TRAPPC1: variants seen among roughly 807,000 people sequenced by gnomAD.
TRAPPC1 encodes the protein BET5 homolog.
TRAPPC1 carries 10 observed loss-of-function variants against 17.2 expected under a neutral mutation model. The observed-to-expected ratio is 0.58, with a 90% CI of 0.36 to 0.99. The LOEUF (loss-of-function observed/expected upper bound fraction) is 0.99. Ranked by LOEUF, TRAPPC1 falls within the 50% of genes least tolerant of loss-of-function variation. The probability of loss-of-function intolerance (pLI) is 0.01; values close to 1 mark genes in which losing one functional copy is unlikely to be tolerated. For synonymous variants in TRAPPC1, 85 were observed against 74.5 expected (o/e 1.14, Z -0.72); for missense variants, 163 against 184.4 (o/e 0.88, Z 0.67).
rs1220277669 is a variant in TRAPPC1 at position 7,930,530 on chromosome 17, G to A, written c.*76C>T. ...GGGTGGGGGTGCGGGGGCTTACAGT[G>A]GGGGCCCTTAGTTGGCACAGGTTCG... is the stretch of plus-strand genomic sequence containing the variant. On this transcript the variant is annotated 3_prime_UTR_variant, in exon 4 of 4. Coordinates refer to ENST00000303731, the MANE Select transcript of TRAPPC1 (RefSeq NM_021210.5). 1 of 1,594,220 alleles carries A rather than the reference G, an allele frequency of 6.3e-7. No homozygotes were observed. The highest frequency in any genetic ancestry group is 8.6e-7 in the Non-Finnish European group (1 of 1,166,178).
chr17:7,931,035 A>T lies in TRAPPC1; in HGVS notation c.285T>A (p.Asp95Glu). The change falls in exon 3 of 4, where the codon GAT becomes GAA. Residue 95 changes from aspartate (D) to glutamate (E), a missense_variant. Asp to Glu is a conservative substitution (Grantham distance 45). Transcript: ENST00000303731. ...CCGCACTGTAGATGTGGTGCAGCAC[A>T]TCTCGGATGGGTCCCACGCCCAAGT... ...NTDLGVGPIRDVLHHIYSALY... is the reference protein window; with the variant it reads ...NTDLGVGPIREVLHHIYSALY... 6.2e-7 allele frequency: 1 copy of T among 1,613,836 alleles called. No homozygotes were observed. Among genetic ancestry groups the T allele is most frequent in the Non-Finnish European group, 8.5e-7 (1 of 1,179,942 alleles).
At chr17:7,931,201 A>G in intron 2 of TRAPPC1, 52 bp from the exon 3 acceptor site, 1 of 1,598,144 alleles carries the variant, frequency 6.3e-7, no homozygotes, top group South Asian at 1.1e-5. Flanking sequence ...TCTCCCAAAG[A>G]GACACTTCTG....
At chr17:7,931,294 C>T in intron 2 of TRAPPC1, 145 bp from the exon 3 acceptor site, 1 of 1,185,926 alleles carries the variant, frequency 8.4e-7, no homozygotes, top group Admixed American at 2.3e-5. Context: ...CCCATCGTCA[C>T]CCCTCAATTT....
chr17:7,931,408 C>A (rs921905105), intron 2 of TRAPPC1, 98 bp downstream of exon 2: 5 of 1,301,076 alleles, frequency 3.8e-6, no homozygotes, highest in African/African-American at 2.9e-5. Context: ...CCTTTCCCCC[C>A]TCTGGAGGCC....
Position 7,930,669 on chromosome 17 carries a change from G to A in TRAPPC1, c.375C>T (p.Leu125=). 6.2e-7 allele frequency: 1 copy of A among 1,614,198 alleles called. No individual in the cohort carries two copies. Among genetic ancestry groups the A allele is most frequent in the South Asian group, 1.1e-5 (1 of 91,082 alleles). ...CATAGGAGTCCAGTCGGGAGCGAAAGAGCTCACTTTGCACAGTTTGGCCCA... is the reference window on the plus strand; with the variant it reads ...CATAGGAGTCCAGTCGGGAGCGAAAAAGCTCACTTTGCACAGTTTGGCCCA... ...CPLGQTVQSE[L]FRSRLDSYVR... is the part of the protein sequence containing the mutation. Residue 125 remains leucine (L), a synonymous_variant, in exon 4 of 4, where the codon CTC becomes CTT. Coordinates refer to ENST00000303731, the MANE Select transcript of TRAPPC1 (RefSeq NM_021210.5).
intron 2 of TRAPPC1, 84 bp downstream of exon 2, chr17:7,931,422 G>T: frequency 1.4e-6 from 2 of 1,405,572 alleles, no homozygotes; most frequent in Non-Finnish European, 2.0e-6. Flanking sequence ...GGAGGCCAAT[G>T]CTCCTTCCAC....
Position 7,930,364 on chromosome 17 carries a change from T to A in TRAPPC1, c.*242A>T. On this transcript the variant is annotated 3_prime_UTR_variant, in exon 4 of 4. Coordinates refer to ENST00000303731, the MANE Select transcript of TRAPPC1 (RefSeq NM_021210.5). ...TCAGGCCGCAGAGAGTGACAAAAAG[T>A]TTATTCTGTGCTTCTCGCAGCATTA... The A allele has an allele frequency of 1.9e-6, 1 of 514,822 alleles. No individual in the cohort carries two copies. Among genetic ancestry groups the A allele is most frequent in the Non-Finnish European group, 3.5e-6 (1 of 284,944 alleles). 31.9% of individuals were successfully genotyped at this position (514,822 alleles called of 1,614,324 possible).
In TRAPPC1 at chr17:7,931,814, G is replaced by C; in HGVS notation, c.16C>G (p.Leu6Val). 4 of 1,614,130 alleles carry C rather than the reference G, an allele frequency of 2.5e-6. No homozygotes were observed. Among genetic ancestry groups the C allele is most frequent in the Non-Finnish European group, 3.4e-6 (4 of 1,179,960 alleles). ...ACTCCATTCCGGTCAAACAGGTACA[G>C]GTTGTGGACAGTCATCTGCAGGGCA... MTVHN[L>V]YLFDRNGVCL... Residue 6 changes from leucine (L) to valine (V), a missense_variant, in exon 1 of 4, where the codon CTG (leucine) becomes GTG (valine). Transcript: ENST00000303731.
Position 7,931,021 on chromosome 17 carries a change from A to G in TRAPPC1, c.299T>C (p.Ile100Thr). Residue 100 changes from isoleucine to threonine, a missense_variant, in exon 3 of 4, where the codon ATC becomes ACC. Ile to Thr is a moderately conservative substitution (Grantham distance 89). Transcript: ENST00000303731. Reference sequence around the variant, plus strand: ...GGGGCTGGCACTGACCGCACTGTAGATGTGGTGCAGCACATCTCGGATGGG... The same window carrying G: ...GGGGCTGGCACTGACCGCACTGTAGGTGTGGTGCAGCACATCTCGGATGGG... ...VGPIRDVLHHIYSALYVELVV... is the reference protein window; with the variant it reads ...VGPIRDVLHHTYSALYVELVV... 4 of 1,613,750 alleles carry G rather than the reference A, an allele frequency of 2.5e-6. No homozygotes were observed. Among genetic ancestry groups the G allele is most frequent in the Non-Finnish European group, 3.4e-6 (4 of 1,179,934 alleles).
In TRAPPC1 at chr17:7,931,119, G is replaced by C; in HGVS notation, c.201C>G (p.Ser67Arg). 6.2e-7 allele frequency: 1 copy of C among 1,614,032 alleles called. No homozygotes were observed. The highest frequency in any genetic ancestry group is 8.5e-7 in the Non-Finnish European group (1 of 1,179,996). The change falls in exon 3 of 4, where the codon AGC (serine) becomes AGG (arginine). Residue 67 changes from serine (S) to arginine (R), a missense_variant. Ser to Arg is a moderately radical substitution (Grantham distance 110). Coordinates refer to ENST00000303731, the MANE Select transcript of TRAPPC1 (RefSeq NM_021210.5). Reference protein sequence around the residue: ...MKDGFLAFQTSRYKLHYYETP... With the variant: ...MKDGFLAFQTRRYKLHYYETP... ...TCTCGTAGTAATGGAGTTTGTAACG[G>C]CTAGTTTGGAAGGCCAGGAAGCCAT...
chr17:7,930,822 G>A lies in TRAPPC1; in HGVS notation c.310-88C>T. The A allele has an allele frequency of 2.6e-6, 4 of 1,549,072 alleles. No individual in the cohort carries two copies. The South Asian group carries it at 3.7e-5, about 14-fold the overall frequency. On this transcript the variant is annotated intron_variant, in intron 3 of 3. Coordinates refer to ENST00000303731, the MANE Select transcript of TRAPPC1 (RefSeq NM_021210.5). ...TGTATAACCTCAGGGGTGTGTGAAT[G>A]CACAAGGAATAAGGGCTGGAAGGCA...
intron 2 of TRAPPC1, 131 bp downstream of exon 2, chr17:7,931,375 C>T (rs12949042): frequency 0.056 from 61,322 of 1,096,598 alleles, 1,959 homozygotes; most frequent in Non-Finnish European, 0.065. Context: ...ACTCTCGCTC[C>T]GGACTCAGCC....
At chr17:7,931,408 C>T in intron 2 of TRAPPC1, 98 bp downstream of exon 2, 2 of 1,301,194 alleles carry the variant, frequency 1.5e-6, no homozygotes, top group Admixed American at 3.8e-5. Flanking sequence ...CCTTTCCCCC[C>T]TCTGGAGGCC....
rs1972394508 is a variant in TRAPPC1, at chr17:7,930,357, CAA to C, written c.*247_*248del. 2.0e-6 allele frequency: 1 copy of C among 501,880 alleles called. No homozygotes were observed. Among genetic ancestry groups the C allele is most frequent in the East Asian group, 3.8e-5 (1 of 26,504 alleles). The allele number at this position is 501,880 out of a possible 1,614,324, so 31.1% of individuals were successfully genotyped here. ...AACACGCTCAGGCCGCAGAGAGTGA[CAA>C]AAAGTTTATTCTGTGCTTCTCGCAG... On this transcript the variant is annotated 3_prime_UTR_variant, in exon 4 of 4. Coordinates refer to ENST00000303731, the MANE Select transcript of TRAPPC1 (RefSeq NM_021210.5).
Position 7,931,491 on chromosome 17 carries a change from T to G in TRAPPC1, c.170+15A>C. 6.2e-7 allele frequency: 1 copy of G among 1,613,048 alleles called. No individual in the cohort carries two copies. The highest frequency in any genetic ancestry group is 8.5e-7 in the Non-Finnish European group (1 of 1,179,140). On this transcript the variant is annotated intron_variant, in intron 2 of 3. Coordinates refer to ENST00000303731, the MANE Select transcript of TRAPPC1 (RefSeq NM_021210.5). ...GGCTAGCCCTCCTCCCAACATCTTC[T>G]CTGACTCCGCGTACATGTCTAGCGG...
chr17:7,931,203 A>C, intron 2 of TRAPPC1, 54 bp from the exon 3 acceptor site: 1 of 1,595,946 alleles, frequency 6.3e-7, no homozygotes, highest in Non-Finnish European at 8.5e-7. Flanking sequence ...TCCCAAAGAG[A>C]CACTTCTGAT....
At position 7,930,408 on chromosome 17, in the gene TRAPPC1, A is replaced by T. The variant is rs1972398444; in HGVS notation, c.*198T>A. ...AGCATTAGGCAGGGGATAAAACTGG[A>T]GAGAGGGCCTGGTGTGGAGGTGGAG... On this transcript the variant is annotated 3_prime_UTR_variant, in exon 4 of 4. Coordinates refer to ENST00000303731, the MANE Select transcript of TRAPPC1 (RefSeq NM_021210.5). 1.6e-6 allele frequency: 1 copy of T among 619,452 alleles called. No individual in the cohort carries two copies. The highest frequency in any genetic ancestry group is 1.9e-5 in the African/African-American group (1 of 53,984). The allele number at this position is 619,452 out of a possible 1,614,324, so 38.4% of individuals were successfully genotyped here.
Position 7,931,522 on chromosome 17 carries a change from T to C in TRAPPC1, c.154A>G (p.Met52Val). The change falls in exon 2 of 4, where the codon ATG becomes GTG. Residue 52 changes from methionine (M) to valine (V), a missense_variant. By Grantham distance (21) the Met-to-Val change is conservative. Transcript: ENST00000303731. ...LFSIRSFVSK[M>V]SPLDMKDGFL... Reference sequence around the variant, plus strand: ...TCCGCGTACATGTCTAGCGGGGACATCTTGCTGACAAACGAGCGGATAGAG... The same window carrying C: ...TCCGCGTACATGTCTAGCGGGGACACCTTGCTGACAAACGAGCGGATAGAG... The C allele has an allele frequency of 1.2e-6, 2 of 1,613,450 alleles. No homozygotes were observed. Among genetic ancestry groups the C allele is most frequent in the Non-Finnish European group, 1.7e-6 (2 of 1,179,528 alleles).
At chr17:7,931,633 T>A in intron 1 of TRAPPC1, 57 bp from the exon 2 acceptor site, 5 of 546,380 alleles carry the variant, frequency 9.2e-6, no homozygotes, top group Non-Finnish European at 1.4e-5. Flanking sequence ...GGGTGGGGGG[T>A]GGGAACGAGC....
Sources: gnomAD v4.1 joint callset for allele counts on GRCh38, gnomAD v4.1.1 for gene constraint, MANE v1.5 for transcripts, NCBI Gene and HGNC (gene_info 2026-07-23, HGNC 2026-07-21) for gene names.